Variants in DLG2 observed in about 807,000 individuals in gnomAD.
DLG2 encodes the protein disks large homolog 2.
A neutral mutation model predicts 132.5 loss-of-function variants in DLG2; 45 were observed. That is an observed-to-expected ratio of 0.34 (90% CI 0.27 to 0.44). The LOEUF (loss-of-function observed/expected upper bound fraction) is 0.44, where lower values mean the gene tolerates loss of function less well. DLG2 is among the 20% of genes least tolerant of loss of function. The pLI, the probability that DLG2 is intolerant of heterozygous loss-of-function variation, is 1.00. For synonymous variants in DLG2, 424 were observed against 419.6 expected, an observed-to-expected ratio of 1.01 and a Z score of -0.13; for missense variants, 1,045 against 1,196.9, an observed-to-expected ratio of 0.87 and a Z score of 1.87.
At chr11:84,763,097 T>C (rs997455332) in intron 6 of DLG2, among the ~76,000 whole-genome samples, 2 of 152,218 alleles carry the variant, frequency 1.3e-5, no homozygotes, top group Admixed American at 6.5e-5. Flanking sequence ...CTAACTCCTA[T>C]GCAACTTTCA....
intron 4 of DLG2, among the ~76,000 whole-genome samples, chr11:85,163,118 G>T (rs1236500452): frequency 6.6e-6 from 1 of 151,924 alleles, no homozygotes; most frequent in African/African-American, 2.4e-5. Flanking sequence ...TCAGTTTTGG[G>T]ACTCTGACTG....
chr11:84,429,462 A>T (rs2098977425), intron 7 of DLG2, among the ~76,000 whole-genome samples: 1 of 152,146 alleles, frequency 6.6e-6, no homozygotes. Context: ...TCCTATACTT[A>T]ATACAGCTGA....
chr11:85,154,563 G>T lies in DLG2; in HGVS notation c.275C>A (p.Thr92Lys), dbSNP rs368349083. 3 of 1,474,216 alleles carry T rather than the reference G, an allele frequency of 2.0e-6. No homozygotes were observed. The highest frequency in any genetic ancestry group is 2.0e-5 in the Admixed American group (1 of 50,082). 91.3% of individuals were successfully genotyped at this position (1,474,216 alleles called of 1,614,324 possible). Residue 92 changes from threonine to lysine, a missense_variant, in exon 5 of 28, where the codon ACG (threonine) becomes AAG (lysine). By Grantham distance (78) the Thr-to-Lys change is moderately conservative. Coordinates refer to ENST00000376104, the MANE Select transcript of DLG2 (RefSeq NM_001142699.3). The stretch of plus-strand genomic sequence containing the variant: ...AAACAGTATAACACTTACAGTTGTC[G>T]TCTCATCAGTTTCATTTTCAAAACT... ...NQSFENETDE[T>K]TTQNQGRCPA...
At chr11:85,011,135 A>G (rs2059119422) in intron 6 of DLG2, among the ~76,000 whole-genome samples, 4 of 152,154 alleles carry the variant, frequency 2.6e-5, no homozygotes, top group East Asian at 1.9e-4. Flanking sequence ...ACAAGCCTTG[A>G]GCATTTTAAC....
At chr11:83,823,765 AG>A (rs986310745) in intron 17 of DLG2, among the ~76,000 whole-genome samples, 89 of 152,314 alleles carry the variant, frequency 5.8e-4, no homozygotes, top group African/African-American at 2.1e-3. Flanking sequence ...CCTCAAGGGA[AG>A]CTTCAAAGGA....
At chr11:83,508,522 C>T (rs1306363997) in intron 21 of DLG2, among the ~76,000 whole-genome samples, 9 of 149,880 alleles carry the variant, frequency 6.0e-5, no homozygotes, top group Admixed American at 1.3e-4. Context: ...GGATTACAGG[C>T]GTGAGCCACC....
intron 6 of DLG2, among the ~76,000 whole-genome samples, chr11:84,689,490 C>G (rs149040863): frequency 6.6e-6 from 1 of 152,024 alleles, no homozygotes; most frequent in South Asian, 2.1e-4. Flanking sequence ...TGATGACTCA[C>G]TTTACTGGTG....
chr11:84,229,919 T>C (rs1293451842), intron 8 of DLG2, among the ~76,000 whole-genome samples: 1 of 152,224 alleles, frequency 6.6e-6, no homozygotes, highest in Non-Finnish European at 1.5e-5. Flanking sequence ...ATTTTTATGA[T>C]TAAGTGAAGT....
At chr11:84,078,867 C>T (rs1380445010) in intron 10 of DLG2, among the ~76,000 whole-genome samples, 1 of 152,004 alleles carries the variant, frequency 6.6e-6, no homozygotes, top group African/African-American at 2.4e-5. Context: ...CCACGTTCAA[C>T]TGCCTATTTG....
At chr11:83,650,534 C>A (rs560610400) in intron 18 of DLG2, among the ~76,000 whole-genome samples, 2 of 152,098 alleles carry the variant, frequency 1.3e-5, no homozygotes, top group South Asian at 4.1e-4. Flanking sequence ...GCCTCCAAAA[C>A]TGTAAGAGAA....
In DLG2 at chr11:84,523,602, T is replaced by C. The variant is rs1017433397; in HGVS notation, c.519+10968A>G. ...ACTGTTTAGAAATATGGGAGGGATG[T>C]AGAAGTTACGTATCATTTTAGGGTA... On this transcript the variant is annotated intron_variant, in intron 7 of 27. Coordinates refer to ENST00000376104, the MANE Select transcript of DLG2 (RefSeq NM_001142699.3). Among the ~76,000 whole-genome samples, 13 of 152,226 alleles carry C rather than the reference T, an allele frequency of 8.5e-5. 1 individual carries two copies. Among genetic ancestry groups the C allele is most frequent in the Admixed American group, 7.2e-4 (11 of 15,278 alleles).
chr11:85,564,768 G>A (rs1459789462), intron 3 of DLG2, among the ~76,000 whole-genome samples: 1 of 151,882 alleles, frequency 6.6e-6, no homozygotes, highest in African/African-American at 2.4e-5. Context: ...GAATCAGTTT[G>A]TCAATTTTTT....
chr11:85,582,161 A>G (rs1397755309), intron 3 of DLG2, among the ~76,000 whole-genome samples: 1 of 152,194 alleles, frequency 6.6e-6, no homozygotes, highest in African/African-American at 2.4e-5. Flanking sequence ...GTAATGAACC[A>G]TGTATTCTAA....
intron 6 of DLG2, among the ~76,000 whole-genome samples, chr11:84,830,277 T>C (rs1224470629): frequency 6.6e-6 from 1 of 151,480 alleles, no homozygotes; most frequent in East Asian, 2.0e-4. Flanking sequence ...ATAGATCATA[T>C]GACCTTCACA....
intron 6 of DLG2, among the ~76,000 whole-genome samples, chr11:85,068,406 A>T (rs781690991): frequency 6.6e-6 from 1 of 152,028 alleles, no homozygotes; most frequent in Non-Finnish European, 1.5e-5. Context: ...GAAACCCCAT[A>T]GTCTCAGCCC....
chr11:84,051,030 T>G (rs1025479004), intron 11 of DLG2, among the ~76,000 whole-genome samples: 1 of 151,924 alleles, frequency 6.6e-6, no homozygotes, highest in African/African-American at 2.4e-5. Flanking sequence ...AAAATGCTCA[T>G]CATCGCTGGC....
rs574893153 is a variant in DLG2 at position 84,761,214 on chromosome 11, G to A, written c.358-226483C>T. Reference sequence around the variant, plus strand: ...TGGCTAATCAGATTCTCTTTCTTGGGATTTTAGAATTGAAGCAATGCATTT... The same window carrying A: ...TGGCTAATCAGATTCTCTTTCTTGGAATTTTAGAATTGAAGCAATGCATTT... On this transcript the variant is annotated intron_variant, in intron 6 of 27. Coordinates refer to ENST00000376104, the MANE Select transcript of DLG2 (RefSeq NM_001142699.3). 7.2e-5 allele frequency among the ~76,000 whole-genome samples: 11 copies of A among 152,300 alleles called. No individual in the cohort carries two copies. The South Asian group carries it at 2.3e-3, about 32-fold the overall frequency.
At chr11:83,480,178 C>A (rs1291115081) in intron 22 of DLG2, among the ~76,000 whole-genome samples, 5 of 152,080 alleles carry the variant, frequency 3.3e-5, no homozygotes, top group Non-Finnish European at 5.9e-5. Context: ...TTGCACAAAT[C>A]ACATAAGGGT....
At position 85,607,061 on chromosome 11, in the gene DLG2, G is replaced by T. The variant is rs567707404; in HGVS notation, c.-92-8273C>A. On this transcript the variant is annotated intron_variant, in intron 2 of 27. Transcript: ENST00000376104. Reference sequence around the variant, plus strand: ...GACCATGAAGGGACCATCACCTTTCGCCAAGCAGTGAGATTATCGCCTATC... The same window carrying T: ...GACCATGAAGGGACCATCACCTTTCTCCAAGCAGTGAGATTATCGCCTATC... 9.2e-5 allele frequency among the ~76,000 whole-genome samples: 14 copies of T among 152,262 alleles called. No individual in the cohort carries two copies. In the South Asian group the frequency reaches 2.9e-3, roughly 32 times the overall value.
Sources: allele counts gnomAD v4.1 joint callset (sites outside exome capture counted in the v4.1 genomes callset), GRCh38; gene constraint gnomAD v4.1.1; transcripts MANE v1.5; gene names NCBI Gene and HGNC (gene_info 2026-07-23, HGNC 2026-07-21).